The following PLXNA4 variants were observed in gnomAD, a reference collection of about 807,000 sequenced individuals.
PLXNA4 encodes plexin-A4.
Under a neutral mutation model 191.8 loss-of-function variants are expected in PLXNA4, and 44 were observed. That is an observed-to-expected ratio of 0.23 (90% CI 0.18 to 0.29). The LOEUF is 0.29. PLXNA4 is among the 10% of genes least tolerant of loss of function. The pLI is 1.00. For synonymous variants in PLXNA4, 1,082 were observed against 1,009.5 expected, an observed-to-expected ratio of 1.07 and a Z score of -1.36; for missense variants, 1,800 against 2,488.8, an observed-to-expected ratio of 0.72 and a Z score of 5.89.
Position 132,328,660 on chromosome 7 carries a change from A to G in PLXNA4, c.1372-30438T>C, listed in dbSNP as rs559346624. ...GAGGACGTCATGGTGGCGAAACTGG[A>G]ATGCAGAGCAGGAGAGCATGGGCTT... is the stretch of plus-strand genomic sequence containing the variant. On this transcript the variant is annotated intron_variant, in intron 3 of 31. Transcript: ENST00000321063. 2.0e-5 allele frequency among the ~76,000 whole-genome samples: 3 copies of G among 152,242 alleles called. No homozygotes were observed. The East Asian group carries it at 5.8e-4, about 29-fold the overall frequency.
At chr7:132,162,949 T>C (rs1458214267) in intron 24 of PLXNA4, among the ~76,000 whole-genome samples, 1 of 151,782 alleles carries the variant, frequency 6.6e-6, no homozygotes, top group Non-Finnish European at 1.5e-5. Context: ...GTTGGAGGGG[T>C]TGTCTGAGAA....
chr7:132,629,095 C>T (rs907770886), intron 2 of PLXNA4, among the ~76,000 whole-genome samples: 2 of 152,148 alleles, frequency 1.3e-5, no homozygotes, highest in Non-Finnish European at 2.9e-5. Context: ...AAGGAGACCC[C>T]AAGTGGTAAT....
intron 2 of PLXNA4, among the ~76,000 whole-genome samples, chr7:132,616,684 A>G (rs74526262): frequency 0.025 from 3,760 of 152,324 alleles, 132 homozygotes; most frequent in African/African-American, 0.085. Flanking sequence ...AAAAGGAGAA[A>G]ACAAAGAATA....
chr7:132,497,387 G>T (rs1035941591), intron 2 of PLXNA4, among the ~76,000 whole-genome samples: 1 of 152,142 alleles, frequency 6.6e-6, no homozygotes, highest in Non-Finnish European at 1.5e-5. Context: ...TACACAAAAT[G>T]CATCCACCCC....
intron 2 of PLXNA4, among the ~76,000 whole-genome samples, chr7:132,606,006 A>G (rs1035017167): frequency 2.6e-5 from 4 of 152,202 alleles, no homozygotes; most frequent in Non-Finnish European, 1.5e-5. Flanking sequence ...TCTACTAAAA[A>G]TACAAAAATC....
intron 4 of PLXNA4, among the ~76,000 whole-genome samples, chr7:132,265,703 G>T (rs1199416700): frequency 6.6e-6 from 1 of 152,168 alleles, no homozygotes; most frequent in Non-Finnish European, 1.5e-5. Context: ...ATACACATGT[G>T]AATCTGGGTA....
intron 30 of PLXNA4, among the ~76,000 whole-genome samples, chr7:132,137,905 G>A (rs2116528412): frequency 6.6e-6 from 1 of 151,758 alleles, no homozygotes; most frequent in South Asian, 2.1e-4. Flanking sequence ...ACGGATGAGA[G>A]GATGAGTATG....
chr7:132,446,700 C>T lies in PLXNA4; in HGVS notation c.1371+42592G>A, dbSNP rs531392786. On this transcript the variant is annotated intron_variant, in intron 3 of 31. Transcript: ENST00000321063. ...AGGTAACTATGTTACCTCATTGTAT[C>T]CTCACAAAAACCCCACCCTATCCGA... Among the ~76,000 whole-genome samples, 69 of 152,322 alleles carry T rather than the reference C, an allele frequency of 4.5e-4. 1 individual carries two copies. Among genetic ancestry groups the T allele is most frequent in the African/African-American group, 1.6e-3 (65 of 41,560 alleles).
At chr7:132,210,904 G>A (rs1797777245) in intron 10 of PLXNA4, 39 bp downstream of exon 10, 1 of 1,592,848 alleles carries the variant, frequency 6.3e-7, no homozygotes, top group Non-Finnish European at 8.6e-7. Flanking sequence ...GGGTGGGACT[G>A]GGGCCTGGTT....
At chr7:132,183,696 G>C (rs1050280471) in intron 16 of PLXNA4, among the ~76,000 whole-genome samples, 1 of 152,210 alleles carries the variant, frequency 6.6e-6, no homozygotes, top group Admixed American at 6.5e-5. Flanking sequence ...TTCTACAGAC[G>C]ATTTTCCCCT....
At chr7:132,188,983 GGAAAGGAAAGGAGAGAGAGA>G (rs1796977144) in intron 14 of PLXNA4, among the ~76,000 whole-genome samples, 1 of 52,718 alleles carries the variant, frequency 1.9e-5, no homozygotes, top group African/African-American at 1.0e-4. Flanking sequence ...GGAAAGGAAA[GGAAAGGAAAGGAGAGAGAGA>G]GAGAGAGAGA....
Position 132,267,718 on chromosome 7 carries a change from T to C in PLXNA4, c.1504-26552A>G, listed in dbSNP as rs543054992. On this transcript the variant is annotated intron_variant, in intron 4 of 31. Transcript: ENST00000321063. Reference sequence around the variant, plus strand: ...TGCAGGAAATGGTTTCTTACATGTATTCGGAAAACAAGCATACTATGTAGA... The same window carrying C: ...TGCAGGAAATGGTTTCTTACATGTACTCGGAAAACAAGCATACTATGTAGA... Among the ~76,000 whole-genome samples, 7 of 152,282 alleles carry C rather than the reference T, an allele frequency of 4.6e-5. No individual in the cohort carries two copies. In the South Asian group the frequency reaches 1.2e-3, roughly 27 times the overall value.
chr7:132,179,547 C>T, intron 20 of PLXNA4, 140 bp downstream of exon 20: 1 of 1,219,220 alleles, frequency 8.2e-7, no homozygotes, highest in Non-Finnish European at 1.1e-6. Context: ...ACACACACCG[C>T]CAGCCTCCAG....
At chr7:132,459,968 A>G (rs1262081142) in intron 3 of PLXNA4, among the ~76,000 whole-genome samples, 1 of 149,576 alleles carries the variant, frequency 6.7e-6, no homozygotes, top group African/African-American at 2.5e-5. Context: ...ATTAACCTAC[A>G]CATCAGCATA....
intron 4 of PLXNA4, among the ~76,000 whole-genome samples, chr7:132,259,857 AT>A (rs1799574305): frequency 6.6e-6 from 1 of 152,246 alleles, no homozygotes; most frequent in Non-Finnish European, 1.5e-5. Context: ...ATATTATTAA[AT>A]GAAAGAAGCC....
chr7:132,211,037 C>A lies in PLXNA4; in HGVS notation c.2204G>T (p.Arg735Leu). ...KNLPQPQSGQ[R>L]GYECILNIQG... The stretch of plus-strand genomic sequence containing the variant: ...AATGTTGAGGATGCATTCGTAGCCA[C>A]GCTGCCCAGACTGGGGCTGGGGGAG... The change falls in exon 10 of 32, where the codon CGT becomes CTT. Residue 735 changes from arginine to leucine, a missense_variant. Physicochemically the swap from Arg to Leu is moderately radical, Grantham distance 102. Transcript: ENST00000321063. 6.2e-7 allele frequency: 1 copy of A among 1,613,914 alleles called. No individual in the cohort carries two copies. Among genetic ancestry groups the A allele is most frequent in the East Asian group, 2.2e-5 (1 of 44,868 alleles).
chr7:132,634,374 C>T (rs1585419249), intron 2 of PLXNA4, among the ~76,000 whole-genome samples: 1 of 152,158 alleles, frequency 6.6e-6, no homozygotes, highest in East Asian at 1.9e-4. Flanking sequence ...CTCCAGGTCT[C>T]TTCTTTGGCC....
At chr7:132,596,665 T>C (rs2116834242) in intron 2 of PLXNA4, among the ~76,000 whole-genome samples, 1 of 152,292 alleles carries the variant, frequency 6.6e-6, no homozygotes, top group East Asian at 1.9e-4. Flanking sequence ...TTAAATAGCA[T>C]CAGACCCCTA....
intron 1 of PLXNA4, among the ~76,000 whole-genome samples, chr7:132,530,748 C>T (rs902614714): frequency 6.6e-6 from 1 of 152,188 alleles, no homozygotes; most frequent in African/African-American, 2.4e-5. Context: ...TAAGTATATT[C>T]CAAAACAGAA....
Sources: allele counts gnomAD v4.1 joint callset (sites outside exome capture counted in the v4.1 genomes callset), GRCh38; gene constraint gnomAD v4.1.1; transcripts MANE v1.5; gene names NCBI Gene and HGNC (gene_info 2026-07-23, HGNC 2026-07-21).